Variants in PPM1E observed in about 807,000 individuals in gnomAD.
The protein encoded by PPM1E is protein phosphatase, Mg2+/Mn2+ dependent 1E.
Under a neutral mutation model 65.9 loss-of-function variants are expected in PPM1E, and 20 were observed. The ratio of observed to expected loss-of-function variants is 0.30; its 90% CI spans 0.21 to 0.44. The LOEUF is 0.44. Ranked by LOEUF, PPM1E falls within the 20% of genes least tolerant of loss-of-function variation. PPM1E has a pLI of 1.00. For missense variants in PPM1E, 713 were observed against 953.1 expected (o/e 0.75, Z 3.32); for synonymous variants, 352 against 374.9 (o/e 0.94, Z 0.70).
chr17:58,960,745 T>G (rs1297507558), intron 2 of PPM1E, among the ~76,000 whole-genome samples: 5 of 132,214 alleles, frequency 3.8e-5, no homozygotes, highest in Non-Finnish European at 6.2e-5. Context: ...CAACCTGGAC[T>G]ACAGAGCAAG....
intron 1 of PPM1E, among the ~76,000 whole-genome samples, chr17:58,846,158 C>A (rs776426076): frequency 1.3e-5 from 2 of 151,904 alleles, no homozygotes; most frequent in Non-Finnish European, 2.9e-5. Context: ...TCTTTGGGAC[C>A]CAATTCTTTT....
intron 1 of PPM1E, among the ~76,000 whole-genome samples, chr17:58,922,974 G>A (rs1363009285): frequency 6.6e-6 from 1 of 152,108 alleles, no homozygotes; most frequent in Non-Finnish European, 1.5e-5. Flanking sequence ...ATGTTAGGTT[G>A]AAATAAATGT....
At chr17:58,965,662 C>T (rs1204227056) in intron 2 of PPM1E, 32 bp from the exon 3 acceptor site, 8 of 1,602,138 alleles carry the variant, frequency 5.0e-6, no homozygotes, top group South Asian at 2.2e-5. Context: ...TTACAAGGCT[C>T]TTCATTGGGG....
At chr17:58,829,988 C>T (rs999431111) in intron 1 of PPM1E, among the ~76,000 whole-genome samples, 9 of 152,044 alleles carry the variant, frequency 5.9e-5, no homozygotes, top group Non-Finnish European at 1.2e-4. Context: ...TGAGGACAGC[C>T]TGGTCAACAT....
At chr17:58,765,182 T>TC (rs2049861383) in intron 1 of PPM1E, among the ~76,000 whole-genome samples, 2 of 147,422 alleles carry the variant, frequency 1.4e-5, no homozygotes, top group Non-Finnish European at 3.0e-5. Flanking sequence ...TTTCTTTCTT[T>TC]TTTTTTTTTT....
At chr17:58,827,033 T>C (rs1380882010) in intron 1 of PPM1E, among the ~76,000 whole-genome samples, 1 of 152,120 alleles carries the variant, frequency 6.6e-6, no homozygotes, top group Non-Finnish European at 1.5e-5. Flanking sequence ...GTCTTCTTTG[T>C]AATAAGTTGC....
At chr17:58,940,346 TAAG>T (rs1345039715) in intron 1 of PPM1E, among the ~76,000 whole-genome samples, 1 of 152,186 alleles carries the variant, frequency 6.6e-6, no homozygotes, top group African/African-American at 2.4e-5. Flanking sequence ...GTCAAAACCA[TAAG>T]AAGTTATTCA....
intron 1 of PPM1E, among the ~76,000 whole-genome samples, chr17:58,758,030 A>G (rs2049785664): frequency 6.6e-6 from 1 of 152,226 alleles, no homozygotes; most frequent in African/African-American, 2.4e-5. Context: ...ATGTTTATTA[A>G]GGGAATTTAT....
chr17:58,828,353 A>T (rs555008910), intron 1 of PPM1E, among the ~76,000 whole-genome samples: 1 of 152,150 alleles, frequency 6.6e-6, no homozygotes. Flanking sequence ...CTCCTTGGAA[A>T]CAACTATTTT....
Position 58,982,923 on chromosome 17 carries a change from T to TAAGAAAAC in PPM1E, c.*1903_*1910dup. The TAAGAAAAC allele has an allele frequency of 6.3e-7, 1 of 1,576,860 alleles. No individual in the cohort carries two copies. Among genetic ancestry groups the TAAGAAAAC allele is most frequent in the South Asian group, 1.2e-5 (1 of 85,876 alleles). Reference sequence around the variant, plus strand: ...AGTGTCAGTTTCAAATCAAATTATCTAAGAAAACAAGAAAACAAAGGCAGC... The same window carrying TAAGAAAAC: ...AGTGTCAGTTTCAAATCAAATTATCTAAGAAAACAAGAAAACAAGAAAACAAAGGCAGC... On this transcript the variant is annotated 3_prime_UTR_variant, in exon 7 of 7. Coordinates refer to ENST00000308249, the MANE Select transcript of PPM1E (RefSeq NM_014906.5).
chr17:58,932,323 G>C (rs1229778561), intron 1 of PPM1E, among the ~76,000 whole-genome samples: 1 of 152,068 alleles, frequency 6.6e-6, no homozygotes, highest in African/African-American at 2.4e-5. Flanking sequence ...ACAAAAATTA[G>C]CCGGGGATGG....
At chr17:58,830,778 G>A (rs923997974) in intron 1 of PPM1E, among the ~76,000 whole-genome samples, 95 of 150,474 alleles carry the variant, frequency 6.3e-4, no homozygotes, top group Non-Finnish European at 1.2e-3. Context: ...CTCTGCCTCT[G>A]GGTTCAAGCA....
intron 1 of PPM1E, among the ~76,000 whole-genome samples, chr17:58,883,974 G>A (rs1379497151): frequency 6.6e-6 from 1 of 152,140 alleles, no homozygotes; most frequent in Non-Finnish European, 1.5e-5. Flanking sequence ...AATCTACTGG[G>A]CTCAATCGAA....
chr17:58,969,520 T>C lies in PPM1E; in HGVS notation c.784-19T>C, dbSNP rs1453989230. 1 of 1,613,666 alleles carries C rather than the reference T, an allele frequency of 6.2e-7. No homozygotes were observed. The highest frequency in any genetic ancestry group is 1.1e-5 in the South Asian group (1 of 91,066). On this transcript the variant is annotated intron_variant, in intron 3 of 6. Coordinates refer to ENST00000308249, the MANE Select transcript of PPM1E (RefSeq NM_014906.5). ...TGCTATACCCAACTCCCATAACTGTTCTGTGTTTCTGTTGACAGGACCAGG... is the reference window on the plus strand; with the variant it reads ...TGCTATACCCAACTCCCATAACTGTCCTGTGTTTCTGTTGACAGGACCAGG...
At position 58,980,573 on chromosome 17, in the gene PPM1E, A is replaced by C. The variant is rs1567900646; in HGVS notation, c.1810A>C (p.Asn604His). The C allele has an allele frequency of 1.2e-6, 2 of 1,614,232 alleles. No individual in the cohort carries two copies. The highest frequency in any genetic ancestry group is 8.5e-7 in the Non-Finnish European group (1 of 1,180,034). ...TGCACCAAAGAAAGCAAATCTTATT[A>C]ATGAGTTAATGATGGAGAAAAAATC... Reference protein sequence around the residue: ...PGAPKKANLINELMMEKKSVQ... With the variant: ...PGAPKKANLIHELMMEKKSVQ... Residue 604 changes from asparagine to histidine, a missense_variant, in exon 7 of 7, where the codon AAT becomes CAT. Around this residue, in one of 6 missense-constraint regions of PPM1E, gnomAD observed 286 missense variants for 313.8 expected, o/e 0.91. Coordinates refer to ENST00000308249, the MANE Select transcript of PPM1E (RefSeq NM_014906.5). This position sits in a 1 kb window ranked among gnomAD's most constrained non-coding sequence, Gnocchi z 4.7.
intron 1 of PPM1E, among the ~76,000 whole-genome samples, chr17:58,923,448 A>G (rs1038108255): frequency 6.6e-6 from 1 of 151,506 alleles, no homozygotes; most frequent in Non-Finnish European, 1.5e-5. Context: ...TCCCATTCCT[A>G]AAAAAAAGTC....
At chr17:58,846,112 G>A (rs1311128027) in intron 1 of PPM1E, among the ~76,000 whole-genome samples, 2 of 152,128 alleles carry the variant, frequency 1.3e-5, no homozygotes, top group Non-Finnish European at 2.9e-5. Flanking sequence ...ATGCTGCTAT[G>A]ATTACAAATG....
chr17:58,969,412 A>G (rs1414688612), intron 3 of PPM1E, 127 bp from the exon 4 acceptor site: 4 of 889,992 alleles, frequency 4.5e-6, no homozygotes, highest in Admixed American at 3.9e-5. Context: ...GAAAACATTT[A>G]GTCTCATTAT....
chr17:58,816,607 A>G (rs1301474732), intron 1 of PPM1E, among the ~76,000 whole-genome samples: 1 of 150,504 alleles, frequency 6.6e-6, no homozygotes, highest in Non-Finnish European at 1.5e-5. Context: ...TTTCATGTCT[A>G]TGAATTGCCT....
Sources: gnomAD v4.1 joint callset for allele counts (sites outside exome capture counted in the v4.1 genomes callset) on GRCh38, gnomAD v4.1.1 for gene constraint, gnomAD v4.1.1 regional missense constraint, Gnocchi (gnomAD v3.1) non-coding constraint, MANE v1.5 for transcripts, NCBI Gene and HGNC (gene_info 2026-07-23, HGNC 2026-07-21) for gene names.